ANKRD28: variants seen among roughly 807,000 people sequenced by gnomAD.
ANKRD28 encodes the protein serine/threonine-protein phosphatase 6 regulatory ankyrin repeat subunit A.
Under a neutral mutation model 126.5 loss-of-function variants are expected in ANKRD28, and 44 were observed. That is an observed-to-expected ratio of 0.35 (90% CI 0.27 to 0.45). The LOEUF is 0.45. Among genes scored for constraint, ANKRD28 ranks in the 20% least tolerant of loss-of-function variants. The probability of loss-of-function intolerance (pLI) is 1.00; values close to 1 mark genes in which losing one functional copy is unlikely to be tolerated. For synonymous variants in ANKRD28, 442 were observed against 468.5 expected, an observed-to-expected ratio of 0.94 and a Z score of 0.73; for missense variants, 1,110 against 1,316.6, an observed-to-expected ratio of 0.84 and a Z score of 2.43.
At chr3:15,672,146 ATTT>A (rs869087310) in intron 27 of ANKRD28, among the ~76,000 whole-genome samples, 8 of 136,486 alleles carry the variant, frequency 5.9e-5, no homozygotes, top group Non-Finnish European at 6.4e-5. Flanking sequence ...TAAAAAAAGG[ATTT>A]TTTTTTTTTT....
intron 2 of ANKRD28, among the ~76,000 whole-genome samples, chr3:15,766,737 A>T (rs2058757733): frequency 6.6e-6 from 1 of 152,206 alleles, no homozygotes; most frequent in Admixed American, 6.5e-5. Context: ...GCAAAAGCCT[A>T]AAAAAATACT....
intron 1 of ANKRD28, among the ~76,000 whole-genome samples, chr3:15,835,127 A>G (rs1251511433): frequency 6.6e-6 from 1 of 152,206 alleles, no homozygotes. Flanking sequence ...CAGCCTGGGC[A>G]AAAGAGCAAG....
chr3:15,759,097 A>G (rs902858157), intron 3 of ANKRD28, among the ~76,000 whole-genome samples: 2 of 152,194 alleles, frequency 1.3e-5, no homozygotes, highest in African/African-American at 2.4e-5. Context: ...TTCTTCAATA[A>G]AAGTGACTTC....
intron 26 of ANKRD28, chr3:15,676,537 ATC>A (rs2066955530): frequency 6.2e-6 from 1 of 160,944 alleles, no homozygotes; most frequent in South Asian, 1.8e-4. Flanking sequence ...CTGATGTAAG[ATC>A]TCTGTCAGTC....
chr3:15,737,075 C>T lies in ANKRD28; in HGVS notation c.510G>A (p.Gly170=). ...AAGCTGCATGATGTAATGCAGTCCT[C>T]CCTGCTCGATCAGATACGTTTACAT... ...LSNVNVSDRA[G]RTALHHAAFS... is the part of the protein sequence containing the mutation. Residue 170 remains glycine, a synonymous_variant, in exon 5 of 28, where the codon GGG becomes GGA. Coordinates refer to ENST00000683139, the MANE Select transcript of ANKRD28 (RefSeq NM_001349278.2). 6.2e-7 allele frequency: 1 copy of T among 1,613,980 alleles called. No homozygotes were observed. The highest frequency in any genetic ancestry group is 8.5e-7 in the Non-Finnish European group (1 of 1,179,886).
intron 2 of ANKRD28, among the ~76,000 whole-genome samples, chr3:15,790,208 T>C (rs375402887): frequency 6.6e-6 from 1 of 152,122 alleles, no homozygotes; most frequent in Non-Finnish European, 1.5e-5. Flanking sequence ...TGCTGAATTC[T>C]ACCAAACATT....
upstream of ANKRD28, among the ~76,000 whole-genome samples, chr3:15,802,834 G>C (rs2060490859): frequency 6.6e-6 from 1 of 152,126 alleles, no homozygotes; most frequent in Non-Finnish European, 1.5e-5. Context: ...CATTCACCTA[G>C]TATACATTCA....
In ANKRD28 at chr3:15,669,624, T is replaced by C. The variant is rs549370234; in HGVS notation, c.*646A>G. 3.3e-5 allele frequency: 5 copies of C among 152,222 alleles called. No individual in the cohort carries two copies. The highest frequency in any genetic ancestry group is 6.6e-5 in the Admixed American group (1 of 15,266). 9.4% of individuals were successfully genotyped at this position (152,222 alleles called of 1,614,324 possible). On this transcript the variant is annotated 3_prime_UTR_variant, in exon 28 of 28. Transcript: ENST00000683139. ...AAAGAAAAAAATGTAAAAATACATC[T>C]GCTTTCTCTCATGGTTTAATACAGC...
intron 6 of ANKRD28, 92 bp from the exon 7 acceptor site, chr3:15,724,616 G>T: frequency 1.7e-6 from 2 of 1,205,762 alleles, no homozygotes; most frequent in Non-Finnish European, 2.3e-6. Context: ...TTTAAAAAAT[G>T]CAAAATAGAT....
At chr3:15,723,022 A>T (rs2073884409) in intron 7 of ANKRD28, among the ~76,000 whole-genome samples, 1 of 152,256 alleles carries the variant, frequency 6.6e-6, no homozygotes, top group Non-Finnish European at 1.5e-5. Flanking sequence ...ATGAACAAAT[A>T]GTCACCAGAG....
chr3:15,705,923 C>T (rs1283368892), intron 14 of ANKRD28, among the ~76,000 whole-genome samples: 1 of 152,088 alleles, frequency 6.6e-6, no homozygotes, highest in Non-Finnish European at 1.5e-5. Context: ...TGCTTGTGAA[C>T]CTGGGAGGTG....
At chr3:15,772,793 T>C (rs1197671593) in intron 2 of ANKRD28, among the ~76,000 whole-genome samples, 1 of 152,168 alleles carries the variant, frequency 6.6e-6, no homozygotes, top group Non-Finnish European at 1.5e-5. Context: ...TTCAAGCGAT[T>C]CTCCTGCCTC....
At chr3:15,832,305 A>G (rs992840887) in intron 1 of ANKRD28, among the ~76,000 whole-genome samples, 1 of 152,212 alleles carries the variant, frequency 6.6e-6, no homozygotes, top group African/African-American at 2.4e-5. Flanking sequence ...TATTATTTAG[A>G]AAGCCTGTGA....
At chr3:15,794,541 A>T (rs1391932196) in intron 2 of ANKRD28, among the ~76,000 whole-genome samples, 2 of 151,846 alleles carry the variant, frequency 1.3e-5, no homozygotes, top group Non-Finnish European at 2.9e-5. Context: ...TACGTAATGT[A>T]CTTTCAGCCA....
intron 1 of ANKRD28, among the ~76,000 whole-genome samples, chr3:15,804,610 G>A (rs983639328): frequency 6.9e-6 from 1 of 145,388 alleles, no homozygotes; most frequent in Non-Finnish European, 1.5e-5. Flanking sequence ...ACGGTGTCCA[G>A]GATAGATAAG....
chr3:15,737,407 T>G (rs969941037), intron 4 of ANKRD28, among the ~76,000 whole-genome samples, 174 bp from the exon 5 acceptor site: 5 of 149,000 alleles, frequency 3.4e-5, no homozygotes, highest in African/African-American at 1.2e-4. Context: ...AGAAAATATT[T>G]TGAATGTAAA....
chr3:15,851,543 CAAAATAAA>C (rs2061650246), intron 1 of ANKRD28, among the ~76,000 whole-genome samples: 1 of 138,800 alleles, frequency 7.2e-6, no homozygotes, highest in African/African-American at 2.9e-5. Context: ...GACTCTGTGT[CAAAATAAA>C]TAAATAAATA....
chr3:15,776,915 T>A (rs2059293100), intron 2 of ANKRD28, among the ~76,000 whole-genome samples: 1 of 152,190 alleles, frequency 6.6e-6, no homozygotes, highest in Non-Finnish European at 1.5e-5. Flanking sequence ...ATTTCCAGCC[T>A]AAGAACAGTC....
intron 14 of ANKRD28, among the ~76,000 whole-genome samples, chr3:15,702,250 G>T (rs970805071): frequency 2.0e-5 from 3 of 152,304 alleles, no homozygotes; most frequent in African/African-American, 7.2e-5. Context: ...CAAAGCTTTA[G>T]AACAGTGGTT....
Sources: allele counts gnomAD v4.1 joint callset (sites outside exome capture counted in the v4.1 genomes callset), GRCh38; gene constraint gnomAD v4.1.1; transcripts MANE v1.5; gene names NCBI Gene and HGNC (gene_info 2026-07-23, HGNC 2026-07-21).